The following CNIH3 variants were observed in gnomAD, a reference collection of about 807,000 sequenced individuals.
The protein encoded by CNIH3 is protein cornichon homolog 3.
A neutral mutation model predicts 24.1 loss-of-function variants in CNIH3; 14 were observed. The observed-to-expected ratio is 0.58, with a 90% CI of 0.38 to 0.91. The LOEUF is 0.91. CNIH3 is among the 40% of genes least tolerant of loss of function. The pLI, the probability that CNIH3 is intolerant of heterozygous loss-of-function variation, is 0.00. For synonymous variants in CNIH3, 68 were observed against 73.8 expected, an observed-to-expected ratio of 0.92 and a Z score of 0.40; for missense variants, 178 against 196.8, an observed-to-expected ratio of 0.90 and a Z score of 0.57.
chr1:224,497,970 C>G (rs1677502334), intron 1 of CNIH3, among the ~76,000 whole-genome samples: 1 of 152,196 alleles, frequency 6.6e-6, no homozygotes, highest in South Asian at 2.1e-4. Flanking sequence ...AGGGTATGAG[C>G]AGCCCTTTTA....
rs114042466 is a variant in CNIH3 at position 224,598,219 on chromosome 1, G to T, written n.402+31955G>T. ...TGACTTTGAGGGGTTCAAGACTTCA[G>T]TGGAGGAATTGACTGCAGATGTGGT... is the stretch of plus-strand genomic sequence containing the variant. On this transcript the variant is annotated intron_variant and non_coding_transcript_variant, in intron 3 of 7. Coordinates refer to the CNIH3 transcript ENST00000478120. Among the ~76,000 whole-genome samples, 195 of 152,332 alleles carry T rather than the reference G, an allele frequency of 1.3e-3. 1 individual carries two copies. Among genetic ancestry groups the T allele is most frequent in the African/African-American group, 4.6e-3 (191 of 41,574 alleles).
chr1:224,589,258 A>G (rs1226112181), downstream of CNIH3, among the ~76,000 whole-genome samples: 4 of 152,150 alleles, frequency 2.6e-5, no homozygotes, highest in African/African-American at 9.7e-5. Flanking sequence ...TGAATTCCCA[A>G]TGTCTCCATG....
intron 3 of CNIH3, among the ~76,000 whole-genome samples, chr1:224,705,845 CTTTTCTTTT>C (rs1687760914): frequency 3.0e-5 from 4 of 133,758 alleles, no homozygotes; most frequent in South Asian, 2.8e-4. Flanking sequence ...TTCTCTCTTT[CTTTTCTTTT>C]TTTTCTTTTT....
At chr1:224,500,408 A>T (rs1279106888) in intron 1 of CNIH3, among the ~76,000 whole-genome samples, 1 of 152,118 alleles carries the variant, frequency 6.6e-6, no homozygotes, top group East Asian at 1.9e-4. Flanking sequence ...GCAACAGTTC[A>T]TGCCTGTAAT....
chr1:224,674,837 C>G (rs962051175), intron 1 of CNIH3, among the ~76,000 whole-genome samples: 1 of 152,096 alleles, frequency 6.6e-6, no homozygotes, highest in African/African-American at 2.4e-5. Flanking sequence ...CCACTAAGTT[C>G]TGATGTTTGA....
rs1180915352 is a variant in CNIH3, at chr1:224,506,280, C to CGA, written n.204-9460_204-9459insAG. The stretch of plus-strand genomic sequence containing the variant: ...TCATATGCACGCACACGCGCGCGCG[C>CGA]GCGCGCGCACACACACACACACACG... On this transcript the variant is annotated intron_variant and non_coding_transcript_variant, in intron 1 of 5. Transcript: ENST00000471578. 5.2e-4 allele frequency among the ~76,000 whole-genome samples: 33 copies of CGA among 63,780 alleles called. 1 individual carries two copies. The highest frequency in any genetic ancestry group is 3.4e-3 in the Admixed American group (15 of 4,440). The allele number at this position is 63,780 out of a possible 152,430, so 41.8% of individuals were successfully genotyped here.
At chr1:224,681,426 G>C (rs1055052366) in intron 2 of CNIH3, among the ~76,000 whole-genome samples, 1 of 152,206 alleles carries the variant, frequency 6.6e-6, no homozygotes, top group African/African-American at 2.4e-5. Flanking sequence ...AAGTGGAGAC[G>C]TGGAGGGTGG....
intron 1 of CNIH3, among the ~76,000 whole-genome samples, chr1:224,675,319 A>G (rs1006381707): frequency 9.2e-5 from 14 of 152,234 alleles, no homozygotes; most frequent in African/African-American, 3.4e-4. Context: ...AAATAAATTG[A>G]ATTTGTAGTT....
chr1:224,497,790 C>T (rs1195401342), intron 1 of CNIH3, among the ~76,000 whole-genome samples: 1 of 152,198 alleles, frequency 6.6e-6, no homozygotes, highest in African/African-American at 2.4e-5. Context: ...TATGACCCTG[C>T]AGTGAAGCCC....
intron 1 of CNIH3, among the ~76,000 whole-genome samples, chr1:224,489,864 G>A (rs183478049): frequency 3.3e-5 from 5 of 152,284 alleles, no homozygotes; most frequent in East Asian, 1.9e-4. Flanking sequence ...GGGTCCTCAC[G>A]TGTTGAAAGG....
intron 1 of CNIH3, among the ~76,000 whole-genome samples, chr1:224,446,212 G>GTTTTTTTTTTTTTTTTTTTTTTTTT (rs35812016): frequency 3.7e-5 from 4 of 108,874 alleles, no homozygotes; most frequent in African/African-American, 6.6e-5. Flanking sequence ...TTTCAACTTT[G>GTTTTTTTTTTTTTTTTTTTTTTTTT]TTTTTTTTTT....
intron 1 of CNIH3, among the ~76,000 whole-genome samples, chr1:224,475,799 A>C (rs1270546537): frequency 6.6e-6 from 1 of 152,192 alleles, no homozygotes; most frequent in Non-Finnish European, 1.5e-5. Context: ...AATAAAAGAA[A>C]ACTACAGGCC....
At chr1:224,675,678 T>C (rs1686101316) in intron 1 of CNIH3, among the ~76,000 whole-genome samples, 1 of 152,200 alleles carries the variant, frequency 6.6e-6, no homozygotes, top group Non-Finnish European at 1.5e-5. Flanking sequence ...GGACACACAT[T>C]TCATCAAAAA....
chr1:224,628,192 C>A (rs1572616351), intron 1 of CNIH3, among the ~76,000 whole-genome samples: 1 of 152,162 alleles, frequency 6.6e-6, no homozygotes, highest in Non-Finnish European at 1.5e-5. Context: ...CGCCGGCTAC[C>A]TGAGAGCAAA....
intron 1 of CNIH3, among the ~76,000 whole-genome samples, chr1:224,656,784 C>T (rs1006565130): frequency 1.3e-5 from 2 of 152,172 alleles, no homozygotes; most frequent in African/African-American, 2.4e-5. Context: ...CTGTAGGGAA[C>T]TGGAGCTTGT....
chr1:224,650,382 A>C (rs917334220), intron 1 of CNIH3, among the ~76,000 whole-genome samples: 1 of 152,212 alleles, frequency 6.6e-6, no homozygotes, highest in Non-Finnish European at 1.5e-5. Context: ...GAGGTTGCAC[A>C]AACTAACCAA....
At chr1:224,557,899 T>A (rs1217771154) in intron 3 of CNIH3, among the ~76,000 whole-genome samples, 1 of 152,236 alleles carries the variant, frequency 6.6e-6, no homozygotes, top group Non-Finnish European at 1.5e-5. Flanking sequence ...ACCACAGTCA[T>A]CTGTAGAAAG....
intron 4 of CNIH3, among the ~76,000 whole-genome samples, chr1:224,576,312 A>T (rs915053539): frequency 6.6e-6 from 1 of 152,194 alleles, no homozygotes; most frequent in Non-Finnish European, 1.5e-5. Flanking sequence ...AGTTCCTTTT[A>T]AAAAAAGTTA....
intron 5 of CNIH3, chr1:224,587,073 T>C (rs1318998043): frequency 1.3e-5 from 2 of 152,216 alleles, no homozygotes; most frequent in Non-Finnish European, 2.9e-5. Flanking sequence ...GTGAAAATTG[T>C]GTGGAAGCAG....
Sources: allele counts gnomAD v4.1 joint callset (sites outside exome capture counted in the v4.1 genomes callset), GRCh38; gene constraint gnomAD v4.1.1; transcripts MANE v1.5; gene names NCBI Gene and HGNC (gene_info 2026-07-23, HGNC 2026-07-21).